The following UBE2U variants were observed in gnomAD, a reference collection of about 807,000 sequenced individuals.
The protein encoded by UBE2U is ubiquitin conjugating enzyme E2 U, also known as ubiquitin-conjugating enzyme E2 U.
A neutral mutation model predicts 41.2 loss-of-function variants in UBE2U; 39 were observed. The observed-to-expected ratio is 0.95, with a 90% CI of 0.73 to 1.24. UBE2U has a LOEUF of 1.24. UBE2U is among the 50% of genes most tolerant of loss of function. UBE2U has a pLI of 0.00. For synonymous variants in UBE2U, 107 were observed against 117.8 expected (o/e 0.91, Z 0.60); for missense variants, 336 against 363.1 (o/e 0.93, Z 0.61).
In UBE2U at chr1:64,214,970, C is replaced by T. The variant is rs1378815577; in HGVS notation, c.457+38C>T. 4.6e-6 allele frequency: 7 copies of T among 1,533,604 alleles called. No individual in the cohort carries two copies. The African/African-American group carries it at 5.5e-5, about 12-fold the overall frequency. 95.0% of individuals were successfully genotyped at this position (1,533,604 alleles called of 1,614,324 possible). On this transcript the variant is annotated intron_variant, in intron 5 of 9. Coordinates refer to ENST00000371077, the MANE Select transcript of UBE2U (RefSeq NM_001366232.2). ...TACTTTTGTTAGGTGCAGTGGCTCACGCCTGTAATCCCAACACTTTGGGAG... is the reference window on the plus strand; with the variant it reads ...TACTTTTGTTAGGTGCAGTGGCTCATGCCTGTAATCCCAACACTTTGGGAG...
chr1:64,267,118 T>C lies in UBE2U; in HGVS notation c.864T>C (p.Tyr288=). The part of the protein sequence containing the change: ...EEGWKSDTSL[Y]ENDTDEPREE... ...GGTGGAAGAGTGACACTTCATTATA[T>C]GAAAATGACACAGATGAGCCCAGGG... Residue 288 remains tyrosine (Y), a synonymous_variant, in exon 10 of 10, where the codon TAT becomes TAC. Coordinates refer to ENST00000371077, the MANE Select transcript of UBE2U (RefSeq NM_001366232.2). The C allele has an allele frequency of 6.4e-7, 1 of 1,550,426 alleles. No homozygotes were observed. The highest frequency in any genetic ancestry group is 8.7e-7 in the Non-Finnish European group (1 of 1,146,914).
At chr1:64,229,337 A>C (rs189843342) in intron 6 of UBE2U, among the ~76,000 whole-genome samples, 3 of 152,260 alleles carry the variant, frequency 2.0e-5, no homozygotes, top group African/African-American at 7.2e-5. Context: ...GTTTAGAGTT[A>C]ATAGGAGAGA....
intron 8 of UBE2U, among the ~76,000 whole-genome samples, chr1:64,257,221 G>C (rs186159502): frequency 6.6e-6 from 1 of 152,296 alleles, no homozygotes; most frequent in East Asian, 1.9e-4. Flanking sequence ...CAAAGACCTA[G>C]AGGCAGAAAT....
At chr1:64,232,371 T>C (rs1644583532) in intron 6 of UBE2U, among the ~76,000 whole-genome samples, 190 bp from the exon 7 acceptor site, 1 of 152,234 alleles carries the variant, frequency 6.6e-6, no homozygotes, top group South Asian at 2.1e-4. Context: ...ATTTTCTTTT[T>C]CGTTATTTGT....
At chr1:64,255,542 A>T (rs183804496) in intron 8 of UBE2U, among the ~76,000 whole-genome samples, 1 of 152,312 alleles carries the variant, frequency 6.6e-6, no homozygotes, top group East Asian at 1.9e-4. Context: ...TGGCCAACTG[A>T]ATCTAGCAGC....
chr1:64,239,131 A>AGAGGAAGAGGAAGAG, intron 7 of UBE2U, among the ~76,000 whole-genome samples: 1 of 22,308 alleles, frequency 4.5e-5, no homozygotes, highest in African/African-American at 2.7e-4. Context: ...AAGAAGAAGA[A>AGAGGAAGAGGAAGAG]GAAGAAGAAG....
At chr1:64,228,304 AGT>A (rs1008537809) in intron 6 of UBE2U, among the ~76,000 whole-genome samples, 1 of 152,222 alleles carries the variant, frequency 6.6e-6, no homozygotes, top group Non-Finnish European at 1.5e-5. Flanking sequence ...GTCCCATCAG[AGT>A]GTATGGTATC....
At chr1:64,227,649 A>G (rs4915952) in intron 6 of UBE2U, among the ~76,000 whole-genome samples, 26,717 of 152,070 alleles carry the variant, frequency 0.18, 2,854 homozygotes, top group Non-Finnish European at 0.24. Flanking sequence ...TAAAAATACA[A>G]AATTAGCCGG....
intron 8 of UBE2U, among the ~76,000 whole-genome samples, chr1:64,243,736 G>A (rs1321997754): frequency 2.0e-5 from 3 of 152,032 alleles, no homozygotes; most frequent in Non-Finnish European, 2.9e-5. Context: ...ACTATTATTT[G>A]GGGACCTAAG....
At position 64,267,317 on chromosome 1, in the gene UBE2U, C is replaced by A; in HGVS notation, c.*109C>A. ...TGGATTTCATTTTTTTTAAGTTGTT[C>A]TCACCCACTCACTGCAAGTACAAAT... On this transcript the variant is annotated 3_prime_UTR_variant, in exon 10 of 10. Coordinates refer to ENST00000371077, the MANE Select transcript of UBE2U (RefSeq NM_001366232.2). The A allele has an allele frequency of 1.2e-6, 1 of 842,744 alleles. No individual in the cohort carries two copies. The highest frequency in any genetic ancestry group is 1.8e-6 in the Non-Finnish European group (1 of 569,524). 52.2% of individuals were successfully genotyped at this position (842,744 alleles called of 1,614,324 possible). A position where few individuals can be genotyped will look rare whatever the true frequency, so the allele number is the denominator to read the frequency against.
chr1:64,252,273 G>A (rs767663882), intron 8 of UBE2U, among the ~76,000 whole-genome samples: 2 of 152,172 alleles, frequency 1.3e-5, no homozygotes, highest in African/African-American at 4.8e-5. Flanking sequence ...CTCCTGAGGG[G>A]AGGGGTGGCC....
chr1:64,234,849 T>C (rs1029227982), intron 7 of UBE2U, among the ~76,000 whole-genome samples: 2 of 152,204 alleles, frequency 1.3e-5, no homozygotes, highest in African/African-American at 4.8e-5. Flanking sequence ...GCAGCTCATA[T>C]AGGCTGCAGG....
chr1:64,244,223 T>G, intron 8 of UBE2U: 2 of 1,560,876 alleles, frequency 1.3e-6, no homozygotes, highest in Non-Finnish European at 8.7e-7. Context: ...TCTGAACTTG[T>G]TTTTTTATCT....
At chr1:64,211,728 A>G (rs1651676374) in intron 4 of UBE2U, among the ~76,000 whole-genome samples, 1 of 152,226 alleles carries the variant, frequency 6.6e-6, no homozygotes, top group Non-Finnish European at 1.5e-5. Context: ...GGCAAGAGCC[A>G]CCACATCCAC....
At chr1:64,236,516 G>A (rs1644670515) in intron 7 of UBE2U, among the ~76,000 whole-genome samples, 1 of 152,170 alleles carries the variant, frequency 6.6e-6, no homozygotes, top group Admixed American at 6.5e-5. Context: ...GCAAGTAAAA[G>A]GTTTGGCAGA....
intron 6 of UBE2U, among the ~76,000 whole-genome samples, chr1:64,226,862 C>T (rs1652908380): frequency 6.6e-6 from 1 of 152,024 alleles, no homozygotes; most frequent in Admixed American, 6.6e-5. Context: ...AGGTCAATAC[C>T]TTTTATTAGC....
chr1:64,239,056 AGAAGAAGAAGAGGAAGAGGAAGAG>A (rs1557729255), intron 7 of UBE2U, among the ~76,000 whole-genome samples: 21 of 65,986 alleles, frequency 3.2e-4, no homozygotes, highest in East Asian at 1.8e-3. Context: ...AAGAAGAAGA[AGAAGAAGAAGAGGAAGAGGAAGAG>A]GAAGAGGAAG....
chr1:64,259,682 A>C (rs1212111886), intron 8 of UBE2U, among the ~76,000 whole-genome samples: 1 of 152,050 alleles, frequency 6.6e-6, no homozygotes, highest in Non-Finnish European at 1.5e-5. Context: ...TATGTACCCC[A>C]AAAAGTAGTC....
chr1:64,233,793 G>A (rs898312650), intron 7 of UBE2U, among the ~76,000 whole-genome samples: 1 of 152,232 alleles, frequency 6.6e-6, no homozygotes, highest in Non-Finnish European at 1.5e-5. Flanking sequence ...TGTCCAGTCT[G>A]CATACACTTA....
Sources: allele counts gnomAD v4.1 joint callset (sites outside exome capture counted in the v4.1 genomes callset), GRCh38; gene constraint gnomAD v4.1.1; transcripts MANE v1.5; gene names NCBI Gene and HGNC (gene_info 2026-07-23, HGNC 2026-07-21).